Variants in TTC7B observed in about 807,000 individuals in gnomAD.
TTC7B encodes tetratricopeptide repeat protein 7B.
Under a neutral mutation model 106.8 loss-of-function variants are expected in TTC7B, and 28 were observed. That is an observed-to-expected ratio of 0.26 (90% CI 0.19 to 0.36). TTC7B has a LOEUF of 0.36. TTC7B is among the 10% of genes least tolerant of loss of function. TTC7B has a pLI of 1.00. For missense variants in TTC7B, 862 were observed against 1,076.4 expected (o/e 0.80, Z 2.79); for synonymous variants, 405 against 430.6 (o/e 0.94, Z 0.74).
chr14:90,544,656 G>A (rs1372453278), intron 19 of TTC7B, among the ~76,000 whole-genome samples: 1 of 152,206 alleles, frequency 6.6e-6, no homozygotes, highest in African/African-American at 2.4e-5. Context: ...TCTTTGAGGG[G>A]AGGTTATCAC....
Position 90,579,905 on chromosome 14 carries a change from T to C in TTC7B, c.2108-1597A>G, listed in dbSNP as rs1043923499. 2.0e-5 allele frequency among the ~76,000 whole-genome samples: 3 copies of C among 152,252 alleles called. No homozygotes were observed. The East Asian group carries it at 5.8e-4, about 29-fold the overall frequency. The stretch of plus-strand genomic sequence containing the variant: ...ATCCCCTGGAGCCCACTTTGGAAAC[T>C]GCCTCAATTATGCAGAGACTCCCCT... On this transcript the variant is annotated intron_variant, in intron 18 of 19. Coordinates refer to ENST00000328459, the MANE Select transcript of TTC7B (RefSeq NM_001010854.2).
chr14:90,584,660 C>T (rs1040527234), intron 18 of TTC7B, among the ~76,000 whole-genome samples: 1 of 152,044 alleles, frequency 6.6e-6, no homozygotes, highest in African/African-American at 2.4e-5. Context: ...TCTACCTCAC[C>T]TGCGCCTGGC....
At chr14:90,619,011 C>A (rs1893201236) in intron 15 of TTC7B, among the ~76,000 whole-genome samples, 4 of 152,224 alleles carry the variant, frequency 2.6e-5, no homozygotes, top group Admixed American at 2.6e-4. Context: ...TCAAGTGATT[C>A]TCCTGCCTCA....
At chr14:90,675,856 A>G (rs1372286548) in intron 9 of TTC7B, 1 of 151,608 alleles carries the variant, frequency 6.6e-6, no homozygotes, top group African/African-American at 2.4e-5. Context: ...TCTTCTTGTT[A>G]TTTATTTAGC....
At chr14:90,556,410 G>A (rs1728233857) in intron 19 of TTC7B, among the ~76,000 whole-genome samples, 1 of 152,132 alleles carries the variant, frequency 6.6e-6, no homozygotes, top group African/African-American at 2.4e-5. Context: ...GAGGGGGGAA[G>A]CTTGGGTCCT....
intron 9 of TTC7B, among the ~76,000 whole-genome samples, chr14:90,668,075 C>T (rs991765314): frequency 1.3e-5 from 2 of 151,220 alleles, no homozygotes; most frequent in Non-Finnish European, 2.9e-5. Flanking sequence ...TAATACTTCC[C>T]TTGTGCAAAT....
intron 15 of TTC7B, among the ~76,000 whole-genome samples, chr14:90,630,084 G>C (rs1884628801): frequency 6.6e-6 from 1 of 152,164 alleles, no homozygotes. Context: ...GAGAAAGGAG[G>C]ATCCTCTCAT....
intron 18 of TTC7B, among the ~76,000 whole-genome samples, chr14:90,589,345 C>T (rs1230465082): frequency 1.3e-5 from 2 of 152,176 alleles, no homozygotes; most frequent in African/African-American, 2.4e-5. Flanking sequence ...GTTCTAGTCC[C>T]TGATATGAAA....
chr14:90,815,267 C>G (rs540594567), intron 1 of TTC7B, among the ~76,000 whole-genome samples: 1 of 152,144 alleles, frequency 6.6e-6, no homozygotes, highest in Non-Finnish European at 1.5e-5. Flanking sequence ...ATTAAAGATA[C>G]TCGCTTCCAA....
intron 15 of TTC7B, among the ~76,000 whole-genome samples, chr14:90,635,815 C>T (rs557989712): frequency 8.2e-5 from 12 of 146,142 alleles, no homozygotes; most frequent in African/African-American, 3.0e-4. Context: ...ACATCCAAAA[C>T]GTATTTTAAA....
intron 8 of TTC7B, among the ~76,000 whole-genome samples, chr14:90,680,129 T>G (rs1164620200): frequency 6.6e-6 from 1 of 152,220 alleles, no homozygotes; most frequent in Admixed American, 6.5e-5. Context: ...CTTTCTCCTT[T>G]TAAGGTTCCT....
chr14:90,563,444 G>T (rs1890668713), intron 19 of TTC7B, among the ~76,000 whole-genome samples: 1 of 152,208 alleles, frequency 6.6e-6, no homozygotes, highest in Non-Finnish European at 1.5e-5. Flanking sequence ...AAAACATCTT[G>T]TTGCTAAAAA....
Position 90,536,388 on chromosome 14 carries a change from C to T in TTC7B, c.*4980G>A, listed in dbSNP as rs2139755231. ...ATCCCTGACACCTCCCACACTCTCG[C>T]CTCATCTTGGGCTCTCGCCTGGGCT... is the stretch of plus-strand genomic sequence containing the variant. On this transcript the variant is annotated 3_prime_UTR_variant, in exon 20 of 20. Coordinates refer to ENST00000328459, the MANE Select transcript of TTC7B (RefSeq NM_001010854.2). The T allele has an allele frequency of 6.5e-6, 1 of 153,132 alleles. No homozygotes were observed. The highest frequency in any genetic ancestry group is 1.5e-5 in the Non-Finnish European group (1 of 68,346). The allele number at this position is 153,132 out of a possible 1,614,324, so 9.5% of individuals were successfully genotyped here.
chr14:90,664,427 G>C (rs1038485172), intron 9 of TTC7B, among the ~76,000 whole-genome samples: 1 of 151,958 alleles, frequency 6.6e-6, no homozygotes, highest in Non-Finnish European at 1.5e-5. Context: ...CCGCCACCAG[G>C]CCCAGCTAAT....
At chr14:90,794,207 ATTTC>A (rs1337378240) in intron 1 of TTC7B, among the ~76,000 whole-genome samples, 6 of 130,614 alleles carry the variant, frequency 4.6e-5, no homozygotes, top group Admixed American at 1.5e-4. Context: ...CTGGCTGGGT[ATTTC>A]TTTTTTTTTT....
chr14:90,593,779 G>C (rs893139328), intron 17 of TTC7B, 153 bp from the exon 18 acceptor site: 9 of 680,830 alleles, frequency 1.3e-5, no homozygotes, highest in Non-Finnish European at 2.2e-6. Context: ...GGGCAATCAC[G>C]GCCCGGGGCC....
At chr14:90,639,590 G>A (rs1413232309) in intron 15 of TTC7B, among the ~76,000 whole-genome samples, 3 of 152,184 alleles carry the variant, frequency 2.0e-5, no homozygotes, top group Non-Finnish European at 4.4e-5. Context: ...TGATGGGAGT[G>A]TAAACTAATA....
intron 7 of TTC7B, among the ~76,000 whole-genome samples, chr14:90,683,551 G>A (rs1448255733): frequency 6.6e-6 from 1 of 152,150 alleles, no homozygotes; most frequent in Non-Finnish European, 1.5e-5. Context: ...TTGATTATTA[G>A]GGATCAGCTA....
Position 90,532,311 on chromosome 14 carries a change from A to G in TTC7B, c.*9057T>C, listed in dbSNP as rs996796164. On this transcript the variant is annotated 3_prime_UTR_variant, in exon 20 of 20. Coordinates refer to ENST00000328459, the MANE Select transcript of TTC7B (RefSeq NM_001010854.2). ...AAGAAAGAAACTCTGGAGATAATTT[A>G]AAGTTGATCCCCTATTTGTACATTA... is the stretch of plus-strand genomic sequence containing the variant. 6.6e-6 allele frequency: 1 copy of G among 152,258 alleles called. No homozygotes were observed. Among genetic ancestry groups the G allele is most frequent in the Non-Finnish European group, 1.5e-5 (1 of 68,042 alleles). 9.4% of individuals were successfully genotyped at this position (152,258 alleles called of 1,614,324 possible).
Sources: allele counts gnomAD v4.1 joint callset (sites outside exome capture counted in the v4.1 genomes callset), GRCh38; gene constraint gnomAD v4.1.1; transcripts MANE v1.5; gene names NCBI Gene and HGNC (gene_info 2026-07-23, HGNC 2026-07-21).